CPLANE1: variants seen among roughly 807,000 people sequenced by gnomAD.
CPLANE1 encodes ciliogenesis and planar polarity effector 1.
A neutral mutation model predicts 362.5 loss-of-function variants in CPLANE1; 263 were observed. That is an observed-to-expected ratio of 0.73 (90% CI 0.66 to 0.80). CPLANE1 has a LOEUF of 0.80. CPLANE1 is among the 30% of genes least tolerant of loss of function. The pLI, the probability that CPLANE1 is intolerant of heterozygous loss-of-function variation, is 0.00. For synonymous variants in CPLANE1, 1,212 were observed against 1,302.6 expected (o/e 0.93, Z 1.50); for missense variants, 3,461 against 3,793.4 (o/e 0.91, Z 2.30).
At chr5:37,167,498 G>C (rs1778584291) in intron 34 of CPLANE1, among the ~76,000 whole-genome samples, 1 of 152,166 alleles carries the variant, frequency 6.6e-6, no homozygotes, top group Non-Finnish European at 1.5e-5. Flanking sequence ...CTTTCCTCTG[G>C]CCAAGTGCAG....
chr5:37,095,420 C>T, the CPLANE1 span, among the ~76,000 whole-genome samples: 2 of 152,094 alleles, frequency 1.3e-5, no homozygotes, highest in African/African-American at 4.8e-5. Flanking sequence ...AATCGGCATA[C>T]AAGGGACATA....
At position 37,183,429 on chromosome 5, in the gene CPLANE1, A is replaced by C. The variant is rs1195454039; in HGVS notation, c.4752T>G (p.Leu1584=). The part of the protein sequence containing the change: ...IPFLTSFSGK[L]REHELNSLLF... ...GTAAAGAATTAAGTTCATGTTCTCT[A>C]AGCTTTCCAGAAAAACTAGTTAGAA... The change falls in exon 26 of 53, where the codon CTT becomes CTG. Residue 1584 remains leucine (L), a synonymous_variant. Coordinates refer to ENST00000651892, the MANE Select transcript of CPLANE1 (RefSeq NM_001384732.1). The C allele has an allele frequency of 6.2e-7, 1 of 1,613,650 alleles. No homozygotes were observed. The highest frequency in any genetic ancestry group is 8.5e-7 in the Non-Finnish European group (1 of 1,179,812).
At chr5:37,195,657 A>T (rs769095179) in intron 21 of CPLANE1, among the ~76,000 whole-genome samples, 2 of 150,600 alleles carry the variant, frequency 1.3e-5, no homozygotes, top group Admixed American at 6.7e-5. Flanking sequence ...TAGGTATCAC[A>T]ATTTGTTTAT....
intron 12 of CPLANE1, among the ~76,000 whole-genome samples, chr5:37,225,767 T>C (rs1796330547): frequency 6.9e-6 from 1 of 145,190 alleles, no homozygotes; most frequent in Non-Finnish European, 1.5e-5. Flanking sequence ...CAGGAGAATC[T>C]ACTTGAACCC....
intron 24 of CPLANE1, among the ~76,000 whole-genome samples, chr5:37,185,688 T>G (rs1007327014): frequency 2.0e-5 from 3 of 152,160 alleles, no homozygotes; most frequent in Non-Finnish European, 4.4e-5. Flanking sequence ...ACTTAAATAC[T>G]GAATTATAGT....
rs376987361 is a variant in CPLANE1, at chr5:37,206,216, G to A, written c.3130C>T (p.Arg1044Cys). 92 of 1,551,226 alleles carry A rather than the reference G, an allele frequency of 5.9e-5. No individual in the cohort carries two copies. Among genetic ancestry groups the A allele is most frequent in the Admixed American group, 2.0e-4 (10 of 50,972 alleles). ...IGVAFQLFCK[R>C]DSNFMRSKKK... ...CCATACCTCATGAAATTGCTATCACGTTTACAGAACAGCTGGAAAGCCACA... is the reference window on the plus strand; with the variant it reads ...CCATACCTCATGAAATTGCTATCACATTTACAGAACAGCTGGAAAGCCACA... The change falls in exon 17 of 53, where the codon CGT (arginine) becomes TGT (cysteine). Residue 1044 changes from arginine (R) to cysteine (C), a missense_variant. By Grantham distance (180) the Arg-to-Cys change is radical (BLOSUM62 -3). This residue lies in a region of CPLANE1 where 3,380 missense variants were observed against 3,666.1 expected (regional missense o/e 0.92). Coordinates refer to ENST00000651892, the MANE Select transcript of CPLANE1 (RefSeq NM_001384732.1).
chr5:37,101,962 C>G (rs1757313079), downstream of CPLANE1, among the ~76,000 whole-genome samples: 1 of 151,064 alleles, frequency 6.6e-6, no homozygotes, highest in Non-Finnish European at 1.5e-5. Flanking sequence ...CTTATCATTT[C>G]TGATTGTATC....
chr5:37,235,461 T>C (rs953104744), intron 8 of CPLANE1, among the ~76,000 whole-genome samples: 2 of 150,962 alleles, frequency 1.3e-5, no homozygotes, highest in Admixed American at 6.6e-5. Context: ...GCAATCTCTA[T>C]CAAATTACCA....
chr5:37,108,386 T>C lies in CPLANE1; in HGVS notation c.9486A>G (p.Val3162=), dbSNP rs920693113. The C allele has an allele frequency of 4.3e-6, 7 of 1,614,054 alleles. No homozygotes were observed. In the Admixed American group the frequency reaches 1.0e-4, roughly 23 times the overall value. Residue 3162 remains valine (V), a synonymous_variant, in exon 52 of 53, where the codon GTA becomes GTG. Transcript: ENST00000651892. ...GLAPQTKQVC[V]EYEREETVVS... ...CCACAGTCTCCTCTCTTTCATACTCTACACACACCTGCTTGGTTTGAGGTG... is the reference window on the plus strand; with the variant it reads ...CCACAGTCTCCTCTCTTTCATACTCCACACACACCTGCTTGGTTTGAGGTG...
At chr5:37,197,597 T>G (rs1787903308) in intron 20 of CPLANE1, among the ~76,000 whole-genome samples, 1 of 152,164 alleles carries the variant, frequency 6.6e-6, no homozygotes, top group South Asian at 2.1e-4. Flanking sequence ...GTGGTGGTTC[T>G]GATGCACAGA....
At chr5:37,213,871 A>G in intron 15 of CPLANE1, 139 bp from the exon 16 acceptor site, 1 of 535,452 alleles carries the variant, frequency 1.9e-6, no homozygotes, top group Non-Finnish European at 3.2e-6. Flanking sequence ...TACAAGCTGA[A>G]TTATAATAGG....
At chr5:37,177,841 T>A (rs761712547) in intron 29 of CPLANE1, 141 bp from the exon 30 acceptor site, 6 of 668,560 alleles carry the variant, frequency 9.0e-6, no homozygotes, top group Non-Finnish European at 1.3e-5. Context: ...CAGTAAAATG[T>A]ACTCCCAGTC....
rs10473039 is a variant in CPLANE1 at position 37,159,518 on chromosome 5, C to T, written c.7691-1173G>A. 8.4e-3 allele frequency among the ~76,000 whole-genome samples: 1,278 copies of T among 152,282 alleles called. 21 individuals carry two copies. The highest frequency in any genetic ancestry group is 0.029 in the African/African-American group (1,209 of 41,552). ...TGTTTTAACATCTAAATTTCACAAA[C>T]GTTAACTGCTTCTTATTTAACAGTA... On this transcript the variant is annotated intron_variant, in intron 38 of 52. Transcript: ENST00000651892.
In CPLANE1 at chr5:37,108,294, T is replaced by C; in HGVS notation, c.9578A>G (p.Gln3193Arg). The change falls in exon 52 of 53, where the codon CAA becomes CGA. Residue 3193 changes from glutamine (Q) to arginine (R), a missense_variant and splice_region_variant. By Grantham distance (43) the Gln-to-Arg change is conservative. Coordinates refer to ENST00000651892, the MANE Select transcript of CPLANE1 (RefSeq NM_001384732.1). The part of the protein sequence containing the change: ...ILHESHNSLL[Q>R]DLSPTEEEEP... ...AACAAAATCTAGAACAATGCTTACT[T>C]GTAGAAGGGAATTGTGACTCTCATG... The C allele has an allele frequency of 6.2e-6, 10 of 1,613,322 alleles. No homozygotes were observed. Among genetic ancestry groups the C allele is most frequent in the Non-Finnish European group, 8.5e-6 (10 of 1,179,480 alleles).
chr5:37,136,428 C>T (rs901308176), intron 46 of CPLANE1, among the ~76,000 whole-genome samples: 3 of 152,194 alleles, frequency 2.0e-5, no homozygotes, highest in Non-Finnish European at 2.9e-5. Flanking sequence ...GGGTACAGCC[C>T]TCTGTCCCAG....
intron 15 of CPLANE1, among the ~76,000 whole-genome samples, chr5:37,216,600 T>C (rs1303626265): frequency 6.6e-6 from 1 of 152,136 alleles, no homozygotes; most frequent in Non-Finnish European, 1.5e-5. Flanking sequence ...AGATAGCAGG[T>C]GGACAGAAGA....
At chr5:37,162,331 A>G in intron 38 of CPLANE1, 134 bp downstream of exon 38, 1 of 608,172 alleles carries the variant, frequency 1.6e-6, no homozygotes, top group South Asian at 2.2e-5. Flanking sequence ...AAGACTGGAA[A>G]GAAAAATCTA....
the CPLANE1 span, chr5:37,085,344 A>G: frequency 7.5e-7 from 1 of 1,340,786 alleles, no homozygotes; most frequent in Non-Finnish European, 1.1e-6. Flanking sequence ...GACGGGAGAT[A>G]ATTTCCATCT....
Position 37,182,280 on chromosome 5 carries a change from G to T in CPLANE1, c.5421+480C>A, listed in dbSNP as rs1782864505. ...GCCATTGACTAGGGAAGAAAGAATA[G>T]TTAATTAAACACTAACTCCTCTACT... On this transcript the variant is annotated intron_variant, in intron 26 of 52. Transcript: ENST00000651892. 3.3e-5 allele frequency among the ~76,000 whole-genome samples: 5 copies of T among 152,190 alleles called. 1 individual carries two copies. The South Asian group carries it at 1.0e-3, about 32-fold the overall frequency.
Sources: allele counts gnomAD v4.1 joint callset (sites outside exome capture counted in the v4.1 genomes callset), GRCh38; gene constraint gnomAD v4.1.1; regional missense constraint gnomAD v4.1.1; transcripts MANE v1.5; gene names NCBI Gene and HGNC (gene_info 2026-07-23, HGNC 2026-07-21).